The following PRKCH variants were observed in gnomAD, a reference collection of about 807,000 sequenced individuals.
The protein encoded by PRKCH is protein kinase C eta type.
In PRKCH, 28 loss-of-function variants were observed where a neutral mutation model predicts 82.5. That is an observed-to-expected ratio of 0.34 (90% CI 0.25 to 0.47). The LOEUF is 0.47. Ranked by LOEUF, PRKCH falls within the 20% of genes least tolerant of loss-of-function variation. The pLI, the probability that PRKCH is intolerant of heterozygous loss-of-function variation, is 1.00. For synonymous variants in PRKCH, 322 were observed against 327.4 expected (o/e 0.98, Z 0.18); for missense variants, 705 against 881.8 (o/e 0.80, Z 2.54).
At chr14:61,370,253 T>G (rs1594953463) in intron 1 of PRKCH, among the ~76,000 whole-genome samples, 1 of 152,162 alleles carries the variant, frequency 6.6e-6, no homozygotes, top group South Asian at 2.1e-4. Flanking sequence ...ATGTGTGTTC[T>G]TTTAAAAACT....
At chr14:61,211,281 C>T (rs544561749) in intron 1 of PRKCH, among the ~76,000 whole-genome samples, 2 of 152,316 alleles carry the variant, frequency 1.3e-5, no homozygotes, top group East Asian at 3.9e-4. Context: ...ACAGCGTGCA[C>T]AGTGCCGCAG....
At chr14:61,529,314 G>T in intron 11 of PRKCH, 101 bp downstream of exon 11, 1 of 1,410,504 alleles carries the variant, frequency 7.1e-7, no homozygotes, top group South Asian at 1.5e-5. Context: ...TTTGGAGGCA[G>T]CATTGAAAGG....
At chr14:61,372,825 T>C (rs1258392984) in intron 1 of PRKCH, among the ~76,000 whole-genome samples, 3 of 152,090 alleles carry the variant, frequency 2.0e-5, no homozygotes, top group Non-Finnish European at 4.4e-5. Context: ...CTGTGTGCTA[T>C]AAAGTTCTAT....
intron 10 of PRKCH, among the ~76,000 whole-genome samples, chr14:61,493,830 C>T (rs1476299869): frequency 6.6e-6 from 1 of 151,302 alleles, no homozygotes; most frequent in Non-Finnish European, 1.5e-5. Context: ...ATAATGAGGA[C>T]CTGAACTAAG....
At position 61,277,484 on chromosome 14, in the gene PRKCH, T is replaced by C. The variant is rs1380439325; in HGVS notation, c.-19+89816T>C. The C allele has an allele frequency of 2.0e-5, 3 of 152,196 alleles. No individual in the cohort carries two copies. In the East Asian group the frequency reaches 5.8e-4, roughly 29 times the overall value. The allele number at this position is 152,196 out of a possible 1,614,324, so 9.4% of individuals were successfully genotyped here. On this transcript the variant is annotated intron_variant, in intron 1 of 3. Transcript: ENST00000555185. ...TGAAGATACTTCTAGCTAGTGAACA[T>C]TTACTGGGCAACAAGGGAATTCAGG... is the stretch of plus-strand genomic sequence containing the variant.
intron 1 of PRKCH, among the ~76,000 whole-genome samples, chr14:61,234,318 AG>A (rs900684322): frequency 6.6e-6 from 1 of 152,100 alleles, no homozygotes. Context: ...GCATTAGGTA[AG>A]GGGGGGAAAT....
At chr14:61,488,995 C>A (rs1886344483) in intron 10 of PRKCH, among the ~76,000 whole-genome samples, 1 of 152,136 alleles carries the variant, frequency 6.6e-6, no homozygotes, top group South Asian at 2.1e-4. Context: ...CTATTTTTAT[C>A]CCTTGGATTT....
chr14:61,443,432 C>T (rs988924600), intron 3 of PRKCH, among the ~76,000 whole-genome samples, 171 bp downstream of exon 3: 4 of 152,194 alleles, frequency 2.6e-5, no homozygotes, highest in African/African-American at 9.7e-5. Flanking sequence ...ATTGCAAAAA[C>T]ATCTAAATAA....
intron 10 of PRKCH, 151 bp downstream of exon 10, chr14:61,485,807 G>T (rs952631276): frequency 3.6e-6 from 4 of 1,095,894 alleles, no homozygotes; most frequent in Middle Eastern, 2.1e-4. Flanking sequence ...TTTGAGACAG[G>T]GTCTCACTCC....
At chr14:61,445,853 C>A in intron 4 of PRKCH, 127 bp downstream of exon 4, 2 of 973,508 alleles carry the variant, frequency 2.1e-6, no homozygotes, top group Non-Finnish European at 1.6e-6. Context: ...TCAAAGGAAA[C>A]CCCTGTGTAG....
chr14:61,214,604 C>T (rs1005464162), intron 1 of PRKCH, among the ~76,000 whole-genome samples: 1 of 152,098 alleles, frequency 6.6e-6, no homozygotes. Context: ...TCAGTATAGT[C>T]AGGTACCTGG....
intron 1 of PRKCH, among the ~76,000 whole-genome samples, chr14:61,239,403 G>T (rs572214830): frequency 3.3e-4 from 50 of 152,160 alleles, no homozygotes; most frequent in Non-Finnish European, 6.5e-4. Context: ...CTAAAATGGC[G>T]TCAGCACCAA....
chr14:61,522,446 C>G (rs1002594640), intron 10 of PRKCH, among the ~76,000 whole-genome samples: 4 of 152,206 alleles, frequency 2.6e-5, no homozygotes, highest in African/African-American at 9.7e-5. Context: ...TCTCCATGCT[C>G]TCTTCTCTCG....
Position 61,322,213 on chromosome 14 carries a change from C to G in PRKCH, c.112C>G (p.His38Asp). 1 of 1,613,248 alleles carries G rather than the reference C, an allele frequency of 6.2e-7. No homozygotes were observed. Residue 38 changes from histidine (H) to aspartate (D), a missense_variant, in exon 1 of 14, where the codon CAC becomes GAC. Transcript: ENST00000332981. ...SLRHSLFKKG[H>D]QLLDPYLTVS... ...GCGCCACTCGCTCTTCAAGAAGGGCCACCAGCTGCTGGACCCCTATCTGAC... is the reference window on the plus strand; with the variant it reads ...GCGCCACTCGCTCTTCAAGAAGGGCGACCAGCTGCTGGACCCCTATCTGAC...
At chr14:61,234,172 G>A (rs980038565) in intron 1 of PRKCH, among the ~76,000 whole-genome samples, 1 of 152,084 alleles carries the variant, frequency 6.6e-6, no homozygotes, top group African/African-American at 2.4e-5. Flanking sequence ...TTGCCAGATG[G>A]GATGAAGACA....
intron 2 of PRKCH, among the ~76,000 whole-genome samples, chr14:61,419,679 A>AG (rs1313220706): frequency 6.6e-6 from 1 of 152,234 alleles, no homozygotes; most frequent in Non-Finnish European, 1.5e-5. Flanking sequence ...TGGGCTACAC[A>AG]GATGCACTAT....
chr14:61,353,595 C>T (rs1301818396), intron 1 of PRKCH: 1 of 152,056 alleles, frequency 6.6e-6, no homozygotes, highest in Non-Finnish European at 1.5e-5. Flanking sequence ...GAGCCACTTC[C>T]TCCTGGATGC....
At chr14:61,228,190 A>C (rs1163248916) in intron 1 of PRKCH, among the ~76,000 whole-genome samples, 1 of 152,238 alleles carries the variant, frequency 6.6e-6, no homozygotes, top group Non-Finnish European at 1.5e-5. Context: ...GGTGAAAAGT[A>C]ACTTGGCCAT....
chr14:61,490,654 C>CTGCTG (rs1886413687), intron 10 of PRKCH, among the ~76,000 whole-genome samples: 1 of 152,154 alleles, frequency 6.6e-6, no homozygotes, highest in Non-Finnish European at 1.5e-5. Flanking sequence ...TGGCCTATGC[C>CTGCTG]TGTAATCCCA....
Sources: gnomAD v4.1 joint callset for allele counts (sites outside exome capture counted in the v4.1 genomes callset) on GRCh38, gnomAD v4.1.1 for gene constraint, MANE v1.5 for transcripts, NCBI Gene and HGNC (gene_info 2026-07-23, HGNC 2026-07-21) for gene names.